MTMR12: variants seen among roughly 807,000 people sequenced by gnomAD.
MTMR12 encodes myotubularin related protein 12.
MTMR12 carries 33 observed loss-of-function variants against 96.7 expected under a neutral mutation model. The observed-to-expected ratio is 0.34, with a 90% CI of 0.26 to 0.46. The LOEUF is 0.46. Ranked by LOEUF, MTMR12 falls within the 20% of genes least tolerant of loss-of-function variation. The pLI, the probability that MTMR12 is intolerant of heterozygous loss-of-function variation, is 1.00. For synonymous variants in MTMR12, 298 were observed against 327.2 expected (o/e 0.91, Z 0.96); for missense variants, 721 against 896.1 (o/e 0.80, Z 2.49).
At chr5:32,253,805 G>A (rs890424763) in intron 8 of MTMR12, among the ~76,000 whole-genome samples, 2 of 152,156 alleles carry the variant, frequency 1.3e-5, no homozygotes, top group South Asian at 2.1e-4. Flanking sequence ...AAAATTTTTT[G>A]TAGAGATGGA....
chr5:32,263,359 G>T, intron 6 of MTMR12, 117 bp from the exon 7 acceptor site: 1 of 1,236,044 alleles, frequency 8.1e-7, no homozygotes, highest in Non-Finnish European at 1.1e-6. Context: ...TTTTATCCAA[G>T]CAGAATGAAT....
At chr5:32,279,233 T>C (rs1021158818) in intron 1 of MTMR12, among the ~76,000 whole-genome samples, 1 of 150,922 alleles carries the variant, frequency 6.6e-6, no homozygotes, top group Non-Finnish European at 1.5e-5. Context: ...AGAGTGAGAC[T>C]CATCTCTACA....
intron 1 of MTMR12, among the ~76,000 whole-genome samples, chr5:32,289,586 A>C (rs1460036347): frequency 1.3e-5 from 2 of 152,218 alleles, no homozygotes; most frequent in African/African-American, 4.8e-5. Context: ...GGGTACCCAA[A>C]GTGTCACTGT....
intron 1 of MTMR12, among the ~76,000 whole-genome samples, chr5:32,300,175 T>C (rs1195426528): frequency 1.3e-5 from 2 of 152,154 alleles, no homozygotes; most frequent in African/African-American, 2.4e-5. Context: ...CATAAAAATG[T>C]TGCTTAAATA....
chr5:32,262,576 G>A (rs1749407798), intron 7 of MTMR12, among the ~76,000 whole-genome samples: 1 of 152,132 alleles, frequency 6.6e-6, no homozygotes, highest in Admixed American at 6.6e-5. Context: ...CCAGCATGGT[G>A]CAGCATAGGT....
chr5:32,273,654 C>T (rs984090627), intron 3 of MTMR12, among the ~76,000 whole-genome samples: 7 of 151,442 alleles, frequency 4.6e-5, no homozygotes, highest in Non-Finnish European at 1.0e-4. Context: ...GGTCCTGCCA[C>T]GGAAAGGAGA....
intron 1 of MTMR12, among the ~76,000 whole-genome samples, chr5:32,299,338 C>A (rs1172796810): frequency 2.0e-5 from 3 of 152,168 alleles, no homozygotes; most frequent in Non-Finnish European, 4.4e-5. Context: ...TGTGTGACAC[C>A]AAAGCCATGC....
At chr5:32,283,477 C>G (rs973410810) in intron 1 of MTMR12, among the ~76,000 whole-genome samples, 5 of 152,154 alleles carry the variant, frequency 3.3e-5, no homozygotes, top group African/African-American at 1.2e-4. Context: ...TTATTATACC[C>G]ATGATTGTCT....
chr5:32,260,272 C>A (rs1749312152), intron 7 of MTMR12, among the ~76,000 whole-genome samples: 1 of 151,426 alleles, frequency 6.6e-6, no homozygotes, highest in Non-Finnish European at 1.5e-5. Context: ...CAGCGGGAAG[C>A]CACTGAAGCC....
chr5:32,312,774 G>T lies in MTMR12; in HGVS notation c.65C>A (p.Ser22Ter). The change falls in exon 1 of 16, where the codon TCG becomes TAG. Residue 22 changes from serine to a stop codon, truncating the protein, a stop_gained. Transcript: ENST00000382142. LOFTEE classifies it high-confidence loss of function. This position sits in a 1 kb window ranked among gnomAD's most constrained non-coding sequence, Gnocchi z 5.0. ...GTKAPKPSFVSYVRPEEIHTN... is the reference protein window; with the variant it reads ...GTKAPKPSFV Reference sequence around the variant, plus strand: ...CCCCCTCACCTCAGGGCGTACGTACGACACGAAGGAGGGCTTGGGGGCCTT... The same window carrying T: ...CCCCCTCACCTCAGGGCGTACGTACTACACGAAGGAGGGCTTGGGGGCCTT... 1.3e-6 allele frequency: 2 copies of T among 1,529,692 alleles called. No homozygotes were observed. The highest frequency in any genetic ancestry group is 1.8e-6 in the Non-Finnish European group (2 of 1,141,246). 94.8% of individuals were successfully genotyped at this position (1,529,692 alleles called of 1,614,324 possible). A position where few individuals can be genotyped will look rare whatever the true frequency, so the allele number is the denominator to read the frequency against.
chr5:32,244,308 G>A (rs1333866586), intron 10 of MTMR12, among the ~76,000 whole-genome samples: 11 of 147,536 alleles, frequency 7.5e-5, no homozygotes, highest in Non-Finnish European at 1.3e-4. Context: ...AAAAAAAAAA[G>A]GCCAGATGTG....
intron 1 of MTMR12, among the ~76,000 whole-genome samples, chr5:32,279,754 G>C (rs1447972414): frequency 6.6e-6 from 1 of 152,238 alleles, no homozygotes; most frequent in Non-Finnish European, 1.5e-5. Flanking sequence ...GGATGAAACT[G>C]TTCTACCTCA....
At position 32,298,775 on chromosome 5, in the gene MTMR12, C is replaced by T. The variant is rs540127890; in HGVS notation, c.81+13983G>A. ...CATCCTGGCTAACACAGTGAAACCC[C>T]GTCTCTACTAAAAATACAAAAAAAA... On this transcript the variant is annotated intron_variant, in intron 1 of 15. Transcript: ENST00000382142. 4.0e-5 allele frequency among the ~76,000 whole-genome samples: 6 copies of T among 151,416 alleles called. No homozygotes were observed. The East Asian group carries it at 1.2e-3, about 29-fold the overall frequency.
At chr5:32,261,242 T>G (rs1581611054) in intron 7 of MTMR12, among the ~76,000 whole-genome samples, 1 of 151,890 alleles carries the variant, frequency 6.6e-6, no homozygotes. Context: ...CAAAAAAACA[T>G]GTAGGTCAGA....
chr5:32,273,097 G>A (rs1260575646), intron 3 of MTMR12, among the ~76,000 whole-genome samples: 5 of 152,084 alleles, frequency 3.3e-5, no homozygotes, highest in African/African-American at 1.2e-4. Flanking sequence ...CTGCTACTAG[G>A]TTCAGATTAA....
At chr5:32,238,955 A>G in intron 13 of MTMR12, 46 bp downstream of exon 13, 5 of 1,487,912 alleles carry the variant, frequency 3.4e-6, no homozygotes, top group Non-Finnish European at 4.5e-6. Flanking sequence ...TAAGAGATTC[A>G]GTAGTTCTCC....
At chr5:32,285,430 T>C (rs1055704691) in intron 1 of MTMR12, among the ~76,000 whole-genome samples, 1 of 151,566 alleles carries the variant, frequency 6.6e-6, no homozygotes, top group African/African-American at 2.4e-5. Context: ...CCTCCCAAAG[T>C]GCTGGGATTA....
At position 32,233,867 on chromosome 5, in the gene MTMR12, T is replaced by C. The variant is rs1581586119; in HGVS notation, c.1580A>G (p.Gln527Arg). ...NLLTVWDWSV[Q>R]FEPKAQTLLK... ...CAATGTCTGGGCTTTGGGTTCAAAC[T>C]GCACCGACCAATCCCACACGGTGAG... Residue 527 changes from glutamine to arginine, a missense_variant, in exon 15 of 16, where the codon CAG (glutamine) becomes CGG (arginine). Transcript: ENST00000382142. The surrounding 1 kb of genome is among the most constrained non-coding windows in gnomAD (Gnocchi z 5.0). 6.2e-7 allele frequency: 1 copy of C among 1,614,194 alleles called. No homozygotes were observed. Among genetic ancestry groups the C allele is most frequent in the Non-Finnish European group, 8.5e-7 (1 of 1,180,026 alleles).
intron 6 of MTMR12, among the ~76,000 whole-genome samples, chr5:32,266,702 CCAA>C (rs1359279242): frequency 1.3e-5 from 2 of 148,900 alleles, no homozygotes; most frequent in African/African-American, 2.5e-5. Context: ...AAAAAAACAA[CCAA>C]CAACAACAAA....
Sources: allele counts gnomAD v4.1 joint callset (sites outside exome capture counted in the v4.1 genomes callset), GRCh38; gene constraint gnomAD v4.1.1; non-coding constraint Gnocchi (gnomAD v3.1); transcripts MANE v1.5; gene names NCBI Gene and HGNC (gene_info 2026-07-23, HGNC 2026-07-21).